ASTN2: variants seen among roughly 807,000 people sequenced by gnomAD.
ASTN2 encodes astrotactin-2.
In ASTN2, 54 loss-of-function variants were observed where a neutral mutation model predicts 139.8. The observed-to-expected ratio is 0.39, with a 90% CI of 0.31 to 0.48. The LOEUF is 0.48. ASTN2 is among the 20% of genes least tolerant of loss of function. ASTN2 has a pLI of 0.95. For missense variants in ASTN2, 1,565 were observed against 1,725.1 expected (o/e 0.91, Z 1.64); for synonymous variants, 756 against 719.5 (o/e 1.05, Z -0.81).
intron 10 of ASTN2, among the ~76,000 whole-genome samples, chr9:116,890,691 C>G (rs755371131): frequency 1.3e-5 from 2 of 152,028 alleles, no homozygotes; most frequent in Admixed American, 1.3e-4. Context: ...CTGATAAGGT[C>G]GACAAGGTAA....
chr9:117,289,592 CATT>C (rs1834536033), intron 2 of ASTN2, among the ~76,000 whole-genome samples: 1 of 152,152 alleles, frequency 6.6e-6, no homozygotes, highest in Non-Finnish European at 1.5e-5. Flanking sequence ...GTTTAATGAA[CATT>C]GGTCAAAATT....
intron 6 of ASTN2, among the ~76,000 whole-genome samples, chr9:117,010,584 T>C (rs774095550): frequency 9.2e-5 from 14 of 152,230 alleles, no homozygotes; most frequent in Non-Finnish European, 1.6e-4. Flanking sequence ...TTATCATATA[T>C]GAAAAGTGTG....
At chr9:117,116,626 G>T (rs1829399404) in intron 4 of ASTN2, among the ~76,000 whole-genome samples, 1 of 150,028 alleles carries the variant, frequency 6.7e-6, no homozygotes. Context: ...TAGGAGAATG[G>T]TGATTCTGGA....
chr9:116,728,505 T>C (rs1828693094), intron 15 of ASTN2, among the ~76,000 whole-genome samples: 1 of 152,082 alleles, frequency 6.6e-6, no homozygotes, highest in Non-Finnish European at 1.5e-5. Context: ...TTCATGTGGA[T>C]ATAATGTGGG....
chr9:116,557,004 C>T (rs1399460343), intron 19 of ASTN2, among the ~76,000 whole-genome samples: 1 of 151,702 alleles, frequency 6.6e-6, no homozygotes, highest in Non-Finnish European at 1.5e-5. Flanking sequence ...AGGTGGACCA[C>T]GAGGTTAGGA....
intron 2 of ASTN2, among the ~76,000 whole-genome samples, chr9:117,284,782 C>T (rs768628619): frequency 6.6e-6 from 1 of 152,188 alleles, no homozygotes; most frequent in Non-Finnish European, 1.5e-5. Context: ...TGATGATTCT[C>T]ACAACAGCCC....
chr9:116,475,769 A>G (rs1354631838), intron 20 of ASTN2, among the ~76,000 whole-genome samples: 1 of 152,130 alleles, frequency 6.6e-6, no homozygotes, highest in Non-Finnish European at 1.5e-5. Context: ...AATGAAGCTC[A>G]TTCATCCCAC....
In ASTN2 at chr9:117,127,672, G is replaced by GTTTTTTTTTTT. The variant is rs11427891; in HGVS notation, c.1168+13643_1168+13653dup. On this transcript the variant is annotated intron_variant, in intron 4 of 22. Transcript: ENST00000313400. ...AAGTTAGGGTTTTTTTTTTGTTTTG[G>GTTTTTTTTTTT]TTTTTTTTTTTTTTTTTTTTTTTTT... Among the ~76,000 whole-genome samples the GTTTTTTTTTTT allele has an allele frequency of 5.6e-5, 4 of 70,890 alleles. 1 individual carries two copies. The highest frequency in any genetic ancestry group is 4.2e-4 in the Admixed American group (2 of 4,742). The allele number at this position is 70,890 out of a possible 152,430, so 46.5% of individuals were successfully genotyped here.
chr9:116,459,244 C>G (rs1368303476), intron 20 of ASTN2, among the ~76,000 whole-genome samples: 1 of 151,846 alleles, frequency 6.6e-6, no homozygotes, highest in African/African-American at 2.4e-5. Flanking sequence ...CTATATCACA[C>G]CATGTATAAA....
chr9:116,830,519 C>T (rs889805280), intron 11 of ASTN2, among the ~76,000 whole-genome samples: 4 of 151,866 alleles, frequency 2.6e-5, no homozygotes, highest in East Asian at 1.9e-4. Context: ...AGGTCGGTCA[C>T]GGTGGCTCAA....
intron 19 of ASTN2, among the ~76,000 whole-genome samples, chr9:116,555,340 C>A (rs1377112771): frequency 6.6e-6 from 1 of 152,186 alleles, no homozygotes; most frequent in African/African-American, 2.4e-5. Flanking sequence ...GGCCCACTTT[C>A]GCGCTGCTGA....
intron 22 of ASTN2, chr9:116,437,681 C>T: frequency 1.1e-5 from 5 of 450,834 alleles, no homozygotes; most frequent in South Asian, 8.0e-5. Context: ...ACTGGAATGC[C>T]TTCCTCTGTC....
chr9:117,405,289 C>T (rs1033805924), intron 1 of ASTN2, among the ~76,000 whole-genome samples: 31 of 152,192 alleles, frequency 2.0e-4, no homozygotes, highest in African/African-American at 7.2e-4. Flanking sequence ...CCAGGCAGAC[C>T]TGGATTTGGA....
intron 19 of ASTN2, among the ~76,000 whole-genome samples, chr9:116,554,694 T>G (rs747949778): frequency 2.0e-5 from 3 of 152,204 alleles, no homozygotes; most frequent in Non-Finnish European, 2.9e-5. Context: ...TATAAAATTC[T>G]TTTGTTTTCA....
intron 2 of ASTN2, among the ~76,000 whole-genome samples, chr9:117,227,680 G>A (rs1832759460): frequency 1.3e-5 from 2 of 152,204 alleles, no homozygotes; most frequent in South Asian, 4.1e-4. Flanking sequence ...TGGTGCCCAG[G>A]TAAGGGGTAC....
chr9:116,555,334 C>G (rs1041495759), intron 19 of ASTN2, among the ~76,000 whole-genome samples: 3 of 152,200 alleles, frequency 2.0e-5, no homozygotes, highest in African/African-American at 7.2e-5. Flanking sequence ...CAGGCTGGCC[C>G]ACTTTCGCGC....
rs1860985564 is a variant in ASTN2, at chr9:116,698,301, G to C, written c.2806+27470C>G. On this transcript the variant is annotated intron_variant, in intron 16 of 22. Transcript: ENST00000313400. The surrounding 1 kb of genome is among the most constrained non-coding windows in gnomAD (Gnocchi z 4.4). ...GGCAAGGTATAAAGCAGTTCTCCAG[G>C]AGTATGGGCATGAGGAGCGCAGGGT... The C allele has an allele frequency of 6.2e-7, 1 of 1,614,044 alleles. No homozygotes were observed. Among genetic ancestry groups the C allele is most frequent in the Non-Finnish European group, 8.5e-7 (1 of 1,180,046 alleles).
intron 13 of ASTN2, among the ~76,000 whole-genome samples, chr9:116,784,870 G>A (rs183139924): frequency 4.4e-4 from 66 of 150,778 alleles, no homozygotes; most frequent in African/African-American, 1.5e-3. Context: ...TGGAGGTTGC[G>A]GTGAGCTGAG....
chr9:116,702,203 G>A (rs1199594108), intron 16 of ASTN2, among the ~76,000 whole-genome samples: 1 of 151,936 alleles, frequency 6.6e-6, no homozygotes, highest in African/African-American at 2.4e-5. Flanking sequence ...AATGATCCCT[G>A]CCTCCTAGAA....
Sources: allele counts gnomAD v4.1 joint callset (sites outside exome capture counted in the v4.1 genomes callset), GRCh38; gene constraint gnomAD v4.1.1; non-coding constraint Gnocchi (gnomAD v3.1); transcripts MANE v1.5; gene names NCBI Gene and HGNC (gene_info 2026-07-23, HGNC 2026-07-21).